MACROH2A2: variants seen among roughly 807,000 people sequenced by gnomAD.
MACROH2A2 encodes macroH2A.2 histone.
Under a neutral mutation model 37.6 loss-of-function variants are expected in MACROH2A2, and 6 were observed. The observed-to-expected ratio is 0.16, with a 90% CI of 0.09 to 0.32. The LOEUF is 0.32. MACROH2A2 is among the 10% of genes least tolerant of loss of function. The pLI is 1.00. For missense variants in MACROH2A2, 290 were observed against 485.9 expected, an observed-to-expected ratio of 0.60 and a Z score of 3.79; for synonymous variants, 192 against 202.7, an observed-to-expected ratio of 0.95 and a Z score of 0.45.
chr10:70,094,449 A>G (rs1293693574), intron 5 of MACROH2A2, among the ~76,000 whole-genome samples: 1 of 152,252 alleles, frequency 6.6e-6, no homozygotes, highest in Non-Finnish European at 1.5e-5. Flanking sequence ...CAGACAATTT[A>G]TCTACCAAGT....
intron 1 of MACROH2A2, among the ~76,000 whole-genome samples, chr10:70,057,207 A>T (rs1471201591): frequency 6.6e-6 from 1 of 152,212 alleles, no homozygotes; most frequent in Non-Finnish European, 1.5e-5. Flanking sequence ...GGGGTAAAAC[A>T]TGCAATAGCA....
chr10:70,100,488 A>G (rs2072300000), intron 7 of MACROH2A2, among the ~76,000 whole-genome samples, 191 bp downstream of exon 7: 1 of 152,352 alleles, frequency 6.6e-6, no homozygotes, highest in South Asian at 2.1e-4. Flanking sequence ...GGGGACTCCA[A>G]TATGTTTGAA....
In MACROH2A2 at chr10:70,053,690, A is replaced by T. The variant is rs1277021260; in HGVS notation, c.-60+690A>T. Among the ~76,000 whole-genome samples, 1 of 151,050 alleles carries T rather than the reference A, an allele frequency of 6.6e-6. No homozygotes were observed. Among genetic ancestry groups the T allele is most frequent in the Non-Finnish European group, 1.5e-5 (1 of 67,700 alleles). On this transcript the variant is annotated intron_variant, in intron 1 of 8. Transcript: ENST00000373255. This position sits in a 1 kb window ranked among gnomAD's most constrained non-coding sequence, Gnocchi z 4.8. ...GTGCGCCCCGGGGCCGGCGCGGAAG[A>T]GGGCGCGAGGCCGGGCACTCCCCTT... is the stretch of plus-strand genomic sequence containing the variant.
Position 70,080,901 on chromosome 10 carries a change from A to C in MACROH2A2, c.172+5071A>C, listed in dbSNP as rs570788349. ...ACTCCATCTCAAAAAAAAAAAAAAA[A>C]AAAAAAAAAAAACCTAACTGGGTGT... On this transcript the variant is annotated intron_variant, in intron 2 of 8. Coordinates refer to ENST00000373255, the MANE Select transcript of MACROH2A2 (RefSeq NM_018649.3). Among the ~76,000 whole-genome samples, 471 of 148,858 alleles carry C rather than the reference A, an allele frequency of 3.2e-3. 4 individuals are homozygous for C. The highest frequency in any genetic ancestry group is 0.011 in the African/African-American group (449 of 40,182).
rs558184589 is a variant in MACROH2A2, at chr10:70,053,613, C to T, written c.-60+613C>T. The stretch of plus-strand genomic sequence containing the variant: ...AGGTCAGGTCGGGGACGCCGGGTGG[C>T]GGGGCGAGGGCTGGGGGTTGCTGCG... On this transcript the variant is annotated intron_variant, in intron 1 of 8. Transcript: ENST00000373255. This position sits in a 1 kb window ranked among gnomAD's most constrained non-coding sequence, Gnocchi z 4.8. Among the ~76,000 whole-genome samples the T allele has an allele frequency of 6.6e-5, 10 of 151,220 alleles. No individual in the cohort carries two copies. The highest frequency in any genetic ancestry group is 5.9e-4 in the Admixed American group (9 of 15,204).
chr10:70,084,798 C>T (rs965173829), intron 2 of MACROH2A2, among the ~76,000 whole-genome samples: 3 of 151,986 alleles, frequency 2.0e-5, no homozygotes, highest in Non-Finnish European at 4.4e-5. Flanking sequence ...GACGGGGTTT[C>T]GCCGTGTTGC....
At chr10:70,089,426 A>G (rs1364081553) in intron 2 of MACROH2A2, among the ~76,000 whole-genome samples, 1 of 152,202 alleles carries the variant, frequency 6.6e-6, no homozygotes, top group African/African-American at 2.4e-5. Context: ...AATTCCAGCC[A>G]TCGTGTCCTC....
In MACROH2A2 at chr10:70,053,280, G is replaced by A. The variant is rs2071986842; in HGVS notation, c.-60+280G>A. Reference sequence around the variant, plus strand: ...CGGGGGCGTCGAGGGTACTGAGAGGGGAAGGAGGAGGGATGCGAGGTTCAG... The same window carrying A: ...CGGGGGCGTCGAGGGTACTGAGAGGAGAAGGAGGAGGGATGCGAGGTTCAG... On this transcript the variant is annotated intron_variant, in intron 1 of 8. Transcript: ENST00000373255. This position sits in a 1 kb window ranked among gnomAD's most constrained non-coding sequence, Gnocchi z 4.8. Among the ~76,000 whole-genome samples the A allele has an allele frequency of 6.6e-6, 1 of 152,110 alleles. No individual in the cohort carries two copies.
intron 1 of MACROH2A2, among the ~76,000 whole-genome samples, chr10:70,067,393 G>C (rs1411433487): frequency 6.6e-6 from 1 of 152,080 alleles, no homozygotes; most frequent in Non-Finnish European, 1.5e-5. Context: ...TAGGTTTTCA[G>C]AAAAAAACAA....
intron 1 of MACROH2A2, among the ~76,000 whole-genome samples, chr10:70,057,639 G>A (rs1436724169): frequency 6.6e-6 from 1 of 152,144 alleles, no homozygotes; most frequent in Non-Finnish European, 1.5e-5. Flanking sequence ...ACAACCTCAA[G>A]TACCGTACTA....
In MACROH2A2 at chr10:70,090,154, G is replaced by C. The variant is rs770957550; in HGVS notation, c.267G>C (p.Glu89Asp). The part of the protein sequence containing the change: ...RHILLAVAND[E>D]ELNQLLKGVT... The stretch of plus-strand genomic sequence containing the variant: ...TCTTGCTGGCAGTTGCCAATGACGA[G>C]GAGCTCAACCAGGTATGTCTGAAGC... The change falls in exon 3 of 9, where the codon GAG (glutamate) becomes GAC (aspartate). Residue 89 changes from glutamate (E) to aspartate (D), a missense_variant. Around this residue, in one of 3 missense-constraint regions of MACROH2A2, gnomAD observed 83 missense variants for 159.9 expected, o/e 0.52. Coordinates refer to ENST00000373255, the MANE Select transcript of MACROH2A2 (RefSeq NM_018649.3). The C allele has an allele frequency of 6.2e-7, 1 of 1,609,344 alleles. No individual in the cohort carries two copies. Among genetic ancestry groups the C allele is most frequent in the East Asian group, 2.2e-5 (1 of 44,862 alleles).
intron 2 of MACROH2A2, among the ~76,000 whole-genome samples, chr10:70,082,158 G>A (rs960163724): frequency 5.9e-5 from 9 of 152,272 alleles, no homozygotes; most frequent in Admixed American, 3.9e-4. Context: ...AGTGGCTCAC[G>A]CCTGTAATCC....
chr10:70,099,769 G>A (rs2072296115), intron 6 of MACROH2A2: 1 of 152,820 alleles, frequency 6.5e-6, no homozygotes, highest in Non-Finnish European at 1.5e-5. Context: ...CGGGTTGGGG[G>A]AACAACATGC....
At chr10:70,092,419 C>T (rs1223189873) in intron 4 of MACROH2A2, among the ~76,000 whole-genome samples, 4 of 151,992 alleles carry the variant, frequency 2.6e-5, no homozygotes, top group Non-Finnish European at 5.9e-5. Context: ...GGTGACAGCG[C>T]AAGACCCTGT....
At chr10:70,083,139 C>T (rs1181468789) in intron 2 of MACROH2A2, among the ~76,000 whole-genome samples, 2 of 152,018 alleles carry the variant, frequency 1.3e-5, no homozygotes. Context: ...GAAAGCTGAG[C>T]CCCCGGGGTC....
chr10:70,093,707 C>A, intron 4 of MACROH2A2, 28 bp from the exon 5 acceptor site: 1 of 1,271,854 alleles, frequency 7.9e-7, no homozygotes, highest in Non-Finnish European at 1.2e-6. Context: ...GATTGGTTCT[C>A]ATCTTGCCTT....
rs551086914 is a variant in MACROH2A2, at chr10:70,098,286, G to C, written c.689-1922G>C. ...AAGGAAAGAAAGAAAAAGAGAGAGA[G>C]AGAGGGAGGGAGGGAGGGAAAGAAA... On this transcript the variant is annotated intron_variant, in intron 6 of 8. Transcript: ENST00000373255. 9 of 142,054 alleles carry C rather than the reference G, an allele frequency of 6.3e-5. No homozygotes were observed. The South Asian group carries it at 2.2e-3, about 35-fold the overall frequency. The allele number at this position is 142,054 out of a possible 1,614,324, so 8.8% of individuals were successfully genotyped here.
chr10:70,104,702 G>T (rs536994983), intron 7 of MACROH2A2, among the ~76,000 whole-genome samples: 2 of 152,080 alleles, frequency 1.3e-5, no homozygotes, highest in East Asian at 1.9e-4. Context: ...AATTTGAACC[G>T]CAAGCCAGTG....
At chr10:70,108,635 C>T (rs752431729) in intron 7 of MACROH2A2, among the ~76,000 whole-genome samples, 5 of 152,110 alleles carry the variant, frequency 3.3e-5, no homozygotes, top group Admixed American at 6.6e-5. Context: ...TTGCCATGTA[C>T]GGGAACACCC....
Sources: allele counts gnomAD v4.1 joint callset (sites outside exome capture counted in the v4.1 genomes callset), GRCh38; gene constraint gnomAD v4.1.1; regional missense constraint gnomAD v4.1.1; non-coding constraint Gnocchi (gnomAD v3.1); transcripts MANE v1.5; gene names NCBI Gene and HGNC (gene_info 2026-07-23, HGNC 2026-07-21).